Variants in FAAH2 observed in about 807,000 individuals in gnomAD.
FAAH2 encodes fatty acid amide hydrolase 2, also known as fatty-acid amide hydrolase 2.
Under a neutral mutation model 36.9 loss-of-function variants are expected in FAAH2, and 60 were observed. The observed-to-expected ratio is 1.63, with a 90% CI of 1.32 to 2.02. The LOEUF (loss-of-function observed/expected upper bound fraction) is 2.02. FAAH2 is among the 30% of genes most tolerant of loss of function. The probability of loss-of-function intolerance (pLI) is 0.00; values close to 1 mark genes in which losing one functional copy is unlikely to be tolerated. For synonymous variants in FAAH2, 214 were observed against 143.8 expected, an observed-to-expected ratio of 1.49 and a Z score of -3.49; for missense variants, 689 against 397.5, an observed-to-expected ratio of 1.73 and a Z score of -6.23.
intron 10 of FAAH2, among the ~76,000 whole-genome samples, chrX:57,466,156 C>CTATATATATATATATA (rs1163626331): frequency 7.2e-4 from 48 of 66,388 alleles, no homozygotes; most frequent in Admixed American, 1.2e-3. Context: ...CTCTCTCTCT[C>CTATATATATATATATA]TATATATATA....
the FAAH2 span, among the ~76,000 whole-genome samples, chrX:57,141,250 G>A: frequency 8.9e-6 from 1 of 112,024 alleles, no homozygotes; most frequent in East Asian, 2.8e-4. Context: ...ATTGATTTGT[G>A]TATGTTGAAC....
At chrX:57,406,245 T>C (rs1323676162) in intron 7 of FAAH2, among the ~76,000 whole-genome samples, 1 of 112,287 alleles carries the variant, frequency 8.9e-6, no homozygotes, top group African/African-American at 3.2e-5. Context: ...CTTTCTCAAA[T>C]GCTGCTTATC....
the FAAH2 span, among the ~76,000 whole-genome samples, chrX:57,248,234 A>C: frequency 8.9e-6 from 1 of 112,390 alleles, no homozygotes; most frequent in African/African-American, 3.2e-5. Context: ...GCAAAACTTT[A>C]AAGCTAGTTC....
At chrX:57,162,862 G>T in the FAAH2 span, among the ~76,000 whole-genome samples, 2 of 112,931 alleles carry the variant, frequency 1.8e-5, no homozygotes, top group African/African-American at 6.4e-5. Flanking sequence ...CTCTCAGCTT[G>T]TCAAAGTCAA....
chrX:57,211,029 A>C, the FAAH2 span, among the ~76,000 whole-genome samples: 1 of 112,313 alleles, frequency 8.9e-6, no homozygotes, highest in Non-Finnish European at 1.9e-5. Flanking sequence ...ATTATGTGTA[A>C]ATTTATAAAA....
intron 7 of FAAH2, among the ~76,000 whole-genome samples, chrX:57,385,279 TAAA>T (rs35943956): frequency 3.7e-4 from 34 of 91,820 alleles, no homozygotes; most frequent in South Asian, 1.1e-3. Context: ...TAAAGTATAA[TAAA>T]AAAAAAAAAA....
At chrX:57,217,697 T>C in the FAAH2 span, among the ~76,000 whole-genome samples, 1 of 112,250 alleles carries the variant, frequency 8.9e-6, no homozygotes, top group Admixed American at 9.4e-5. Flanking sequence ...TATAGCATAG[T>C]TTGAAATCAG....
At chrX:57,331,575 A>G in intron 3 of FAAH2, 23 bp from the exon 4 acceptor site, 12 of 1,179,498 alleles carry the variant, frequency 1.0e-5, no homozygotes, top group South Asian at 1.9e-5. Context: ...ATTTTTAAAC[A>G]TTCTTTTCTG....
At chrX:57,190,551 A>T in the FAAH2 span, among the ~76,000 whole-genome samples, 1 of 110,103 alleles carries the variant, frequency 9.1e-6, no homozygotes, top group Non-Finnish European at 1.9e-5. Flanking sequence ...CACATAAGGG[A>T]ATCTCTTGGT....
At chrX:57,245,067 C>G in the FAAH2 span, among the ~76,000 whole-genome samples, 5 of 110,581 alleles carry the variant, frequency 4.5e-5, no homozygotes, top group African/African-American at 1.6e-4. Context: ...AAAAAAAAAG[C>G]AAACATTGCA....
chrX:57,343,057 G>T (rs889616613), intron 5 of FAAH2, among the ~76,000 whole-genome samples: 2 of 111,719 alleles, frequency 1.8e-5, no homozygotes, highest in African/African-American at 6.5e-5. Context: ...CCATGTCTCT[G>T]CTATTCTGAA....
chrX:57,336,064 A>T (rs1159092916), intron 4 of FAAH2, among the ~76,000 whole-genome samples: 1 of 111,503 alleles, frequency 9.0e-6, no homozygotes, highest in Non-Finnish European at 1.9e-5. Flanking sequence ...AGCCCAAGCT[A>T]AGCCATCATA....
rs188831834 is a variant in FAAH2, at chrX:57,330,666, G to A, written c.413-932G>A. ...GGTTTTGCGGCTTGTGGGGCATCAC[G>A]GAACCTACCGACATGTGATGTCTCC... On this transcript the variant is annotated intron_variant, in intron 3 of 10. Coordinates refer to ENST00000374900, the MANE Select transcript of FAAH2 (RefSeq NM_174912.4). 4.3e-3 allele frequency among the ~76,000 whole-genome samples: 478 copies of A among 111,239 alleles called. 9 individuals carry two copies. In the East Asian group the frequency reaches 0.086, roughly 20 times the overall value.
At chrX:57,459,230 A>T (rs762467004) in intron 10 of FAAH2, among the ~76,000 whole-genome samples, 11 of 112,296 alleles carry the variant, frequency 9.8e-5, no homozygotes, top group African/African-American at 3.5e-4. Flanking sequence ...GCTGAAGGGA[A>T]ATCAACACAG....
chrX:57,459,411 A>C (rs1372194079), intron 10 of FAAH2, among the ~76,000 whole-genome samples: 1 of 112,183 alleles, frequency 8.9e-6, no homozygotes, highest in Admixed American at 9.4e-5. Flanking sequence ...GCTTCAGTGA[A>C]CTTAAACATT....
intron 5 of FAAH2, among the ~76,000 whole-genome samples, chrX:57,347,604 GTTTTT>G (rs61323098): frequency 1.3e-5 from 1 of 77,900 alleles, no homozygotes; most frequent in African/African-American, 6.5e-5. Context: ...GGGATGCTAA[GTTTTT>G]TTTTTTTTTT....
chrX:57,321,204 A>G (rs1484342792), intron 3 of FAAH2, among the ~76,000 whole-genome samples: 2 of 110,399 alleles, frequency 1.8e-5, no homozygotes, highest in Admixed American at 9.7e-5. Flanking sequence ...GCTGGAAACC[A>G]TCGTTCTTAG....
At chrX:57,160,280 G>A in the FAAH2 span, among the ~76,000 whole-genome samples, 1 of 111,601 alleles carries the variant, frequency 9.0e-6, no homozygotes, top group Non-Finnish European at 1.9e-5. Flanking sequence ...GTTCATTAGG[G>A]ATATTGTTCT....
At chrX:57,459,103 A>G (rs1484466352) in intron 10 of FAAH2, among the ~76,000 whole-genome samples, 1 of 112,595 alleles carries the variant, frequency 8.9e-6, no homozygotes, top group African/African-American at 3.2e-5. Flanking sequence ...CAGCCAGCAC[A>G]GTACTCTGAA....
Sources: allele counts gnomAD v4.1 joint callset (sites outside exome capture counted in the v4.1 genomes callset), GRCh38; gene constraint gnomAD v4.1.1; transcripts MANE v1.5; gene names NCBI Gene and HGNC (gene_info 2026-07-23, HGNC 2026-07-21).